DLG1: variants seen among roughly 807,000 people sequenced by gnomAD.
The protein encoded by DLG1 is disks large homolog 1.
In DLG1, 42 loss-of-function variants were observed where a neutral mutation model predicts 123.4. That is an observed-to-expected ratio of 0.34 (90% CI 0.27 to 0.44). The LOEUF (loss-of-function observed/expected upper bound fraction) is 0.44, where lower values mean the gene tolerates loss of function less well. DLG1 is among the 20% of genes least tolerant of loss of function. The pLI is 1.00. For synonymous variants in DLG1, 317 were observed against 356.2 expected, an observed-to-expected ratio of 0.89 and a Z score of 1.24; for missense variants, 942 against 1,082.6, an observed-to-expected ratio of 0.87 and a Z score of 1.82.
rs1004789840 is a variant in DLG1, at chr3:197,092,915, A to C, written c.1547-1889T>G. Among the ~76,000 whole-genome samples, 8 of 152,240 alleles carry C rather than the reference A, an allele frequency of 5.3e-5. 1 individual carries two copies. The highest frequency in any genetic ancestry group is 1.9e-4 in the African/African-American group (8 of 41,544). Reference sequence around the variant, plus strand: ...ATTTTCAACTTCAATTTGCCTTTAAAATTTTTCATTGATTTTATAAGTAGG... The same window carrying C: ...ATTTTCAACTTCAATTTGCCTTTAACATTTTTCATTGATTTTATAAGTAGG... On this transcript the variant is annotated intron_variant, in intron 14 of 24. Transcript: ENST00000667157.
intron 8 of DLG1, among the ~76,000 whole-genome samples, chr3:197,139,889 T>C (rs1403375030): frequency 6.6e-6 from 1 of 152,226 alleles, no homozygotes; most frequent in Non-Finnish European, 1.5e-5. Context: ...CTCACAAAGA[T>C]TTAAACCATC....
At chr3:197,154,726 T>C (rs907152767) in intron 5 of DLG1, among the ~76,000 whole-genome samples, 3 of 151,730 alleles carry the variant, frequency 2.0e-5, no homozygotes, top group Non-Finnish European at 2.9e-5. Context: ...AAGTGCTGTA[T>C]GAACGAAACG....
chr3:197,184,834 T>C (rs1714859030), intron 5 of DLG1, among the ~76,000 whole-genome samples: 1 of 152,192 alleles, frequency 6.6e-6, no homozygotes, highest in Non-Finnish European at 1.5e-5. Context: ...TATCACCTGA[T>C]TGCTAAAGGA....
chr3:197,123,181 A>G (rs1160525855), intron 11 of DLG1, among the ~76,000 whole-genome samples: 1 of 152,192 alleles, frequency 6.6e-6, no homozygotes, highest in Non-Finnish European at 1.5e-5. Context: ...TGTGAAAGGC[A>G]AAATAATAAA....
intron 15 of DLG1, among the ~76,000 whole-genome samples, chr3:197,090,245 A>G (rs536029230): frequency 1.2e-3 from 180 of 152,154 alleles, no homozygotes; most frequent in African/African-American, 3.3e-3. Flanking sequence ...AAGTTCTACT[A>G]AAAGTATACA....
At chr3:197,065,083 C>A (rs1486113936) in intron 22 of DLG1, among the ~76,000 whole-genome samples, 193 bp downstream of exon 22, 1 of 151,116 alleles carries the variant, frequency 6.6e-6, no homozygotes, top group East Asian at 1.9e-4. Context: ...TCTATTTTCA[C>A]TTTCTTTGTT....
chr3:197,244,743 C>T (rs574602525), intron 4 of DLG1, among the ~76,000 whole-genome samples: 3 of 151,932 alleles, frequency 2.0e-5, no homozygotes, highest in Admixed American at 6.6e-5. Context: ...GTTAGAAGCA[C>T]GAGATAGGGT....
chr3:197,111,635 ACC>A (rs1770060397), intron 13 of DLG1, among the ~76,000 whole-genome samples: 1 of 152,176 alleles, frequency 6.6e-6, no homozygotes, highest in East Asian at 1.9e-4. Flanking sequence ...TGAAACCACT[ACC>A]CCAGACAAGA....
intron 4 of DLG1, among the ~76,000 whole-genome samples, chr3:197,225,211 G>C (rs2150547605): frequency 6.6e-6 from 1 of 152,302 alleles, no homozygotes; most frequent in Middle Eastern, 3.4e-3. Context: ...ACCTGCCTCA[G>C]CATATGTTGT....
intron 4 of DLG1, among the ~76,000 whole-genome samples, chr3:197,229,839 A>G (rs565385948): frequency 2.0e-5 from 3 of 152,340 alleles, no homozygotes; most frequent in East Asian, 3.9e-4. Flanking sequence ...AACACATGTA[A>G]TTACCTTACT....
Position 197,130,646 on chromosome 3 carries a change from ACTT to A in DLG1, c.1043_1045del (p.Glu348del). The A allele has an allele frequency of 6.2e-7, 1 of 1,607,846 alleles. No homozygotes were observed. Among genetic ancestry groups the A allele is most frequent in the Non-Finnish European group, 8.5e-7 (1 of 1,178,378 alleles). On this transcript the variant is annotated inframe_deletion, in exon 11 of 25. Transcript: ENST00000667157. ...GGCAGTTACTGCTTCTTCATGAGTA[ACTT>A]CTTCTAAACATACGTTATTCACCTA...
At chr3:197,206,895 T>C (rs914240375) in intron 4 of DLG1, among the ~76,000 whole-genome samples, 1 of 152,206 alleles carries the variant, frequency 6.6e-6, no homozygotes, top group Non-Finnish European at 1.5e-5. Flanking sequence ...TTCAGTTAGG[T>C]ATCCAGGTAG....
chr3:197,287,938 C>G (rs938398538), intron 3 of DLG1, among the ~76,000 whole-genome samples: 1 of 152,144 alleles, frequency 6.6e-6, no homozygotes, highest in South Asian at 2.1e-4. Context: ...TTTGACCAAA[C>G]AATTCATTTC....
rs561303903 is a variant in DLG1 at position 197,055,221 on chromosome 3, G to A, written c.2484-3553C>T. ...CTCGTCTCAGCCTTCTAAGTGCCAGGATTATAGGCATGAGCCACTGCGCTG... is the reference window on the plus strand; with the variant it reads ...CTCGTCTCAGCCTTCTAAGTGCCAGAATTATAGGCATGAGCCACTGCGCTG... On this transcript the variant is annotated intron_variant, in intron 23 of 24. Coordinates refer to ENST00000667157, the MANE Select transcript of DLG1 (RefSeq NM_001366207.1). Among the ~76,000 whole-genome samples the A allele has an allele frequency of 5.3e-5, 8 of 152,196 alleles. No homozygotes were observed. In the South Asian group the frequency reaches 1.7e-3, roughly 31 times the overall value.
chr3:197,050,588 A>C (rs925429030), intron 24 of DLG1, among the ~76,000 whole-genome samples: 2 of 152,230 alleles, frequency 1.3e-5, no homozygotes, highest in African/African-American at 2.4e-5. Context: ...AGAAAAGCAA[A>C]TACTGTATTT....
At chr3:197,063,188 G>GTA (rs1491272001) in intron 22 of DLG1, among the ~76,000 whole-genome samples, 1 of 118,578 alleles carries the variant, frequency 8.4e-6, no homozygotes, top group Non-Finnish European at 1.8e-5. Flanking sequence ...AAAACTTAAA[G>GTA]TATAAAAAAA....
intron 5 of DLG1, among the ~76,000 whole-genome samples, chr3:197,152,875 C>T (rs1051054257): frequency 6.7e-6 from 1 of 150,284 alleles, no homozygotes; most frequent in Non-Finnish European, 1.5e-5. Context: ...GCTGCTGTAA[C>T]AGACTGAAGC....
At position 197,127,441 on chromosome 3, in the gene DLG1, AAAAAAAAAAAAAAAAAATATATATATAT is replaced by A. The variant is rs1441201688; in HGVS notation, c.1165+3058_1165+3085del. 8.8e-4 allele frequency among the ~76,000 whole-genome samples: 33 copies of A among 37,490 alleles called. No homozygotes were observed. In the East Asian group the frequency reaches 0.011, roughly 13 times the overall value. The allele number at this position is 37,490 out of a possible 152,430, so 24.6% of individuals were successfully genotyped here. A position where few individuals can be genotyped will look rare whatever the true frequency, so the allele number is the denominator to read the frequency against. On this transcript the variant is annotated intron_variant, in intron 11 of 24. Coordinates refer to ENST00000667157, the MANE Select transcript of DLG1 (RefSeq NM_001366207.1). ...CTGTCTCCAAAAAAAAAAAAAAAAA[AAAAAAAAAAAAAAAAAATATATATATAT>A]ATATATATATATATATATATATATA...
rs113688111 is a variant in DLG1, at chr3:197,183,436, G to A, written c.483+10989C>T. On this transcript the variant is annotated intron_variant, in intron 5 of 24. Transcript: ENST00000667157. ...CCCTTTTGTGCTAAAGACCTACACG[G>A]ATGGACAGAAAACATACATTTCTAC... 1.4e-3 allele frequency: 1,077 copies of A among 789,980 alleles called. 2 individuals carry two copies. Among genetic ancestry groups the A allele is most frequent in the Middle Eastern group, 1.9e-3 (5 of 2,646 alleles). The allele number at this position is 789,980 out of a possible 1,614,324, so 48.9% of individuals were successfully genotyped here. A position where few individuals can be genotyped will look rare whatever the true frequency, so the allele number is the denominator to read the frequency against.
Sources: gnomAD v4.1 joint callset for allele counts (sites outside exome capture counted in the v4.1 genomes callset) on GRCh38, gnomAD v4.1.1 for gene constraint, MANE v1.5 for transcripts, NCBI Gene and HGNC (gene_info 2026-07-23, HGNC 2026-07-21) for gene names.